CCDC146: variants seen among roughly 807,000 people sequenced by gnomAD.
The protein encoded by CCDC146 is coiled-coil domain containing 146.
Under a neutral mutation model 119.3 loss-of-function variants are expected in CCDC146, and 92 were observed. That is an observed-to-expected ratio of 0.77 (90% CI 0.65 to 0.92). The LOEUF (loss-of-function observed/expected upper bound fraction) is 0.92. Among genes scored for constraint, CCDC146 ranks in the 40% least tolerant of loss-of-function variants. The pLI, the probability that CCDC146 is intolerant of heterozygous loss-of-function variation, is 0.00. For synonymous variants in CCDC146, 372 were observed against 371.8 expected (o/e 1.00, Z -0.01); for missense variants, 1,000 against 1,103.0 (o/e 0.91, Z 1.32).
At chr7:77,237,618 A>G (rs1379826522) in intron 3 of CCDC146, among the ~76,000 whole-genome samples, 1 of 151,938 alleles carries the variant, frequency 6.6e-6, no homozygotes, top group African/African-American at 2.4e-5. Flanking sequence ...AGAGGTGTAG[A>G]TTCTCCAACA....
chr7:77,253,606 G>A (rs1793120555), intron 4 of CCDC146, among the ~76,000 whole-genome samples: 2 of 152,114 alleles, frequency 1.3e-5, no homozygotes. Context: ...GCAACTATAC[G>A]CAGGTACTTT....
chr7:77,172,270 T>C (rs3095460), intron 2 of CCDC146, among the ~76,000 whole-genome samples: 19,168 of 152,302 alleles, frequency 0.13, 1,806 homozygotes, highest in Non-Finnish European at 0.18. Context: ...CTCACAAGTT[T>C]TTAACATACT....
chr7:77,126,661 C>T (rs929825375), intron 1 of CCDC146, among the ~76,000 whole-genome samples: 10 of 152,048 alleles, frequency 6.6e-5, no homozygotes, highest in South Asian at 4.1e-4. Flanking sequence ...CTGAAGCTCT[C>T]GGCAGAGACG....
intron 4 of CCDC146, among the ~76,000 whole-genome samples, chr7:77,243,465 A>G (rs1792887135): frequency 6.6e-6 from 1 of 152,258 alleles, no homozygotes; most frequent in South Asian, 2.1e-4. Flanking sequence ...TGATGCCAAA[A>G]GAAATACCAG....
chr7:77,130,669 A>G (rs1344478340), intron 1 of CCDC146, among the ~76,000 whole-genome samples: 86 of 129,016 alleles, frequency 6.7e-4, no homozygotes, highest in African/African-American at 2.3e-3. Flanking sequence ...CGCGATCTCG[A>G]CTCACTGCAA....
chr7:77,237,159 G>T, intron 3 of CCDC146, 130 bp downstream of exon 3: 1 of 703,704 alleles, frequency 1.4e-6, no homozygotes, highest in South Asian at 1.6e-5. Flanking sequence ...GGGAGTTTGA[G>T]AAGTGGTACG....
At chr7:77,289,578 C>T (rs1793907048) in intron 17 of CCDC146, among the ~76,000 whole-genome samples, 1 of 152,208 alleles carries the variant, frequency 6.6e-6, no homozygotes, top group African/African-American at 2.4e-5. Flanking sequence ...ACTCAGTTTG[C>T]TCATCTGTGT....
chr7:77,169,615 G>A (rs529705126), intron 2 of CCDC146, among the ~76,000 whole-genome samples: 41 of 152,268 alleles, frequency 2.7e-4, no homozygotes, highest in Non-Finnish European at 5.0e-4. Flanking sequence ...TTTTATCAGT[G>A]TGGACTTAGG....
rs186714392 is a variant in CCDC146 at position 77,165,187 on chromosome 7, G to T, written c.-11-2471G>T. On this transcript the variant is annotated intron_variant, in intron 1 of 18. Coordinates refer to ENST00000285871, the MANE Select transcript of CCDC146 (RefSeq NM_020879.3). ...TCCTTTTAGAAAGTGTTGTGGATCT[G>T]CTTGAATACATGACCAAATCGATGG... Among the ~76,000 whole-genome samples the T allele has an allele frequency of 5.1e-4, 77 of 151,956 alleles. 1 individual carries two copies. Among genetic ancestry groups the T allele is most frequent in the African/African-American group, 1.8e-3 (73 of 41,338 alleles).
chr7:77,239,475 T>C (rs902459754), intron 3 of CCDC146, among the ~76,000 whole-genome samples: 2 of 152,222 alleles, frequency 1.3e-5, no homozygotes, highest in Non-Finnish European at 2.9e-5. Flanking sequence ...AATGACATTA[T>C]AAAACCTGGG....
At chr7:77,181,958 C>T (rs546250951) in intron 2 of CCDC146, among the ~76,000 whole-genome samples, 3 of 152,040 alleles carry the variant, frequency 2.0e-5, no homozygotes, top group South Asian at 2.1e-4. Flanking sequence ...CTGGTATGTA[C>T]GTTGATGTAG....
chr7:77,158,822 A>G (rs1791215027), intron 1 of CCDC146, among the ~76,000 whole-genome samples: 1 of 152,234 alleles, frequency 6.6e-6, no homozygotes, highest in African/African-American at 2.4e-5. Context: ...CCAGCCAGAT[A>G]TTTGTTTTAT....
Position 77,262,297 on chromosome 7 carries a change from T to TTGATGCA in CCDC146, c.1164_1165insGATGCAT (p.Leu389AspfsTer13). The TTGATGCA allele has an allele frequency of 1.2e-6, 2 of 1,601,062 alleles. No homozygotes were observed. Among genetic ancestry groups the TTGATGCA allele is most frequent in the Non-Finnish European group, 1.7e-6 (2 of 1,173,894 alleles). ...CAAACTCAAGCACTGCATCAAAGGC[T>TTGATGCA]TCTATTAGAGGTGAGGGCTGTAAAC... On this transcript the variant is annotated frameshift_variant, in exon 9 of 19. Coordinates refer to ENST00000285871, the MANE Select transcript of CCDC146 (RefSeq NM_020879.3). LOFTEE classifies it high-confidence loss of function.
At chr7:77,281,801 C>G (rs1793769907) in intron 14 of CCDC146, among the ~76,000 whole-genome samples, 1 of 152,030 alleles carries the variant, frequency 6.6e-6, no homozygotes, top group East Asian at 1.9e-4. Flanking sequence ...CCTTTAGGGT[C>G]CTTTGAAGAA....
At chr7:77,287,612 C>A in intron 17 of CCDC146, 35 bp downstream of exon 17, 1 of 1,600,492 alleles carries the variant, frequency 6.2e-7, no homozygotes, top group South Asian at 1.1e-5. Context: ...CCTTCTGCCC[C>A]TGCTCCTTTA....
In CCDC146 at chr7:77,287,592, C is replaced by G. The variant is rs199818673; in HGVS notation, c.2415+15C>G. 323 of 1,607,982 alleles carry G rather than the reference C, an allele frequency of 2.0e-4. 2 individuals are homozygous for G. In the African/African-American group the frequency reaches 3.5e-3, roughly 18 times the overall value. ...TAGCCAAGAAGGTAGGCCTGAGACC[C>G]TGCCTTTTCCCTTCTGCCCCTGCTC... On this transcript the variant is annotated intron_variant, in intron 17 of 18. Transcript: ENST00000285871.
At chr7:77,216,050 C>T (rs1347348864) in intron 2 of CCDC146, among the ~76,000 whole-genome samples, 1 of 151,894 alleles carries the variant, frequency 6.6e-6, no homozygotes, top group Non-Finnish European at 1.5e-5. Flanking sequence ...TAAGGTTTAT[C>T]CTTTCTTTAT....
At chr7:77,262,583 A>G (rs920589726) in intron 9 of CCDC146, among the ~76,000 whole-genome samples, 2 of 152,208 alleles carry the variant, frequency 1.3e-5, no homozygotes, top group Non-Finnish European at 2.9e-5. Flanking sequence ...CAGTTCTAGA[A>G]GAGCTAGAGG....
rs1793745476 is a variant in CCDC146 at position 77,280,626 on chromosome 7, A to G, written c.1892A>G (p.Glu631Gly). Residue 631 changes from glutamate (E) to glycine (G), a missense_variant, in exon 14 of 19, where the codon GAA becomes GGA. Glu to Gly is a moderately conservative substitution (Grantham distance 98). This residue lies in a region of CCDC146 where 985 missense variants were observed against 1,045.3 expected (regional missense o/e 0.94). Coordinates refer to ENST00000285871, the MANE Select transcript of CCDC146 (RefSeq NM_020879.3). ...ATGGTGCAGCTTCGCAAAAGATACG[A>G]AAAAGCTGTTCAGCATCGAAATGAA... ...EEMVQLRKRY[E>G]KAVQHRNESG... is the part of the protein sequence containing the mutation. The G allele has an allele frequency of 6.2e-7, 1 of 1,613,422 alleles. No homozygotes were observed. Among genetic ancestry groups the G allele is most frequent in the Non-Finnish European group, 8.5e-7 (1 of 1,179,628 alleles).
Sources: gnomAD v4.1 joint callset for allele counts (sites outside exome capture counted in the v4.1 genomes callset) on GRCh38, gnomAD v4.1.1 for gene constraint, gnomAD v4.1.1 regional missense constraint, MANE v1.5 for transcripts, NCBI Gene and HGNC (gene_info 2026-07-23, HGNC 2026-07-21) for gene names.